NCEH1: variants seen among roughly 807,000 people sequenced by gnomAD.
The protein encoded by NCEH1 is neutral cholesterol ester hydrolase 1, also known as 2-acetyl MAGE hydrolase.
A neutral mutation model predicts 25.4 loss-of-function variants in NCEH1; 9 were observed. The ratio of observed to expected loss-of-function variants is 0.35; its 90% confidence interval spans 0.21 to 0.62. The LOEUF (loss-of-function observed/expected upper bound fraction) is 0.62. NCEH1 is among the 20% of genes least tolerant of loss of function. NCEH1 has a pLI of 0.72. For missense variants in NCEH1, 412 were observed against 501.1 expected (o/e 0.82, Z 1.70); for synonymous variants, 200 against 199.8 (o/e 1.00, Z -0.01).
intron 1 of NCEH1, among the ~76,000 whole-genome samples, chr3:172,704,638 GA>G (rs1215548171): frequency 2.6e-5 from 4 of 152,206 alleles, no homozygotes; most frequent in African/African-American, 9.7e-5. Flanking sequence ...AACACTGAAA[GA>G]GAGCTTGTTA....
chr3:172,685,381 T>C (rs1424453609), intron 1 of NCEH1, among the ~76,000 whole-genome samples: 1 of 152,226 alleles, frequency 6.6e-6, no homozygotes, highest in Non-Finnish European at 1.5e-5. Flanking sequence ...CCTTCATTTC[T>C]TCATACATCT....
chr3:172,671,805 T>C (rs765061996), intron 1 of NCEH1, among the ~76,000 whole-genome samples: 1 of 152,174 alleles, frequency 6.6e-6, no homozygotes, highest in Non-Finnish European at 1.5e-5. Context: ...CATGATGACA[T>C]TTTGCTCAAG....
At chr3:172,641,065 C>G (rs1356884159) in intron 3 of NCEH1, among the ~76,000 whole-genome samples, 1 of 151,978 alleles carries the variant, frequency 6.6e-6, no homozygotes, top group African/African-American at 2.4e-5. Context: ...CACCATTGCA[C>G]TCCACCCTAG....
chr3:172,652,036 G>T (rs761691689), intron 1 of NCEH1, among the ~76,000 whole-genome samples: 7 of 152,142 alleles, frequency 4.6e-5, no homozygotes, highest in Non-Finnish European at 1.0e-4. Flanking sequence ...GAACCCTGGG[G>T]TACAAAAACT....
At chr3:172,669,983 T>C (rs1577072280) in intron 1 of NCEH1, among the ~76,000 whole-genome samples, 1 of 152,200 alleles carries the variant, frequency 6.6e-6, no homozygotes. Flanking sequence ...AAGCTAAATA[T>C]AGAAAAATAA....
At position 172,631,754 on chromosome 3, in the gene NCEH1, G is replaced by A. The variant is rs878994676; in HGVS notation, c.*1721C>T. On this transcript the variant is annotated 3_prime_UTR_variant, in exon 5 of 5. Transcript: ENST00000475381. ...TATGCAACTTTTCATTTGTTATTTC[G>A]TTGCTGGAAGTGGGAAATACCCCAT... The A allele has an allele frequency of 3.9e-5, 6 of 152,260 alleles. 1 individual carries two copies. Among genetic ancestry groups the A allele is most frequent in the Admixed American group, 2.6e-4 (4 of 15,242 alleles). 9.4% of individuals were successfully genotyped at this position (152,260 alleles called of 1,614,324 possible).
chr3:172,644,199 T>TTGAGTGACTCTAGGGCTTC (rs1717003536), intron 3 of NCEH1, among the ~76,000 whole-genome samples: 1 of 149,536 alleles, frequency 6.7e-6, no homozygotes, highest in South Asian at 2.1e-4. Context: ...TCTAGGGCTT[T>TTGAGTGACTCTAGGGCTTC]TGAGTGACTC....
At chr3:172,687,520 G>C (rs1576769756) in intron 1 of NCEH1, among the ~76,000 whole-genome samples, 1 of 152,248 alleles carries the variant, frequency 6.6e-6, no homozygotes, top group East Asian at 1.9e-4. Context: ...CATTAAATGA[G>C]CTTTCTGTAG....
intron 1 of NCEH1, among the ~76,000 whole-genome samples, chr3:172,694,582 C>T (rs145764413): frequency 3.9e-5 from 6 of 152,330 alleles, no homozygotes; most frequent in African/African-American, 1.2e-4. Flanking sequence ...ACATCCTTGA[C>T]ATCACTCCAA....
At chr3:172,637,178 G>C (rs190987301) in intron 3 of NCEH1, among the ~76,000 whole-genome samples, 2 of 152,206 alleles carry the variant, frequency 1.3e-5, no homozygotes, top group East Asian at 3.9e-4. Context: ...CCAATGTGAG[G>C]GGCACATAAT....
rs1413064150 is a variant in NCEH1, at chr3:172,642,157, C to CT, written c.437+3465dup. On this transcript the variant is annotated intron_variant, in intron 3 of 4. Transcript: ENST00000475381. ...GCCACTGAGATCCCGCTCTGAACTG[C>CT]TTTTTTTTTCTATTTTTTTGTTTTG... 9.9e-5 allele frequency among the ~76,000 whole-genome samples: 15 copies of CT among 150,888 alleles called. No individual in the cohort carries two copies. In the South Asian group the frequency reaches 1.5e-3, roughly 15 times the overall value.
intron 1 of NCEH1, among the ~76,000 whole-genome samples, chr3:172,656,926 G>A (rs1373670054): frequency 1.3e-5 from 2 of 152,120 alleles, no homozygotes; most frequent in African/African-American, 4.8e-5. Flanking sequence ...TGGCCTCACT[G>A]CAGACATTTG....
chr3:172,664,809 A>C (rs1482861652), intron 1 of NCEH1, among the ~76,000 whole-genome samples: 1 of 152,144 alleles, frequency 6.6e-6, no homozygotes, highest in East Asian at 1.9e-4. Flanking sequence ...CAGCTCCATC[A>C]GGTCATTTAA....
intron 1 of NCEH1, among the ~76,000 whole-genome samples, chr3:172,665,108 T>G (rs1718146381): frequency 6.6e-6 from 1 of 152,234 alleles, no homozygotes; most frequent in Non-Finnish European, 1.5e-5. Context: ...TATCTACCTT[T>G]GGTCTTTGAT....
chr3:172,674,332 A>ACTCAGGAG, intron 1 of NCEH1, among the ~76,000 whole-genome samples: 1 of 151,542 alleles, frequency 6.6e-6, no homozygotes, highest in East Asian at 1.9e-4. Context: ...AATCCCAGCT[A>ACTCAGGAG]CTCAGGAGGC....
At chr3:172,697,814 A>G (rs1251655489) in intron 1 of NCEH1, among the ~76,000 whole-genome samples, 1 of 152,088 alleles carries the variant, frequency 6.6e-6, no homozygotes, top group Non-Finnish European at 1.5e-5. Context: ...AAGTTACTTA[A>G]CTTTGTTGAG....
intron 3 of NCEH1, among the ~76,000 whole-genome samples, chr3:172,636,424 G>A (rs528653390): frequency 2.6e-5 from 4 of 151,934 alleles, no homozygotes; most frequent in African/African-American, 7.2e-5. Context: ...GGATAGCACC[G>A]TAATAGATTT....
At chr3:172,686,498 G>A (rs182797665) in intron 1 of NCEH1, among the ~76,000 whole-genome samples, 16 of 152,264 alleles carry the variant, frequency 1.1e-4, no homozygotes, top group African/African-American at 3.1e-4. Context: ...TTGATCTTAC[G>A]TCCAATTGTA....
At chr3:172,673,486 T>A (rs1413969213) in intron 1 of NCEH1, among the ~76,000 whole-genome samples, 13 of 152,242 alleles carry the variant, frequency 8.5e-5, no homozygotes, top group African/African-American at 2.4e-4. Context: ...TGGCTAACAT[T>A]TATACTGACT....
Sources: gnomAD v4.1 joint callset for allele counts (sites outside exome capture counted in the v4.1 genomes callset) on GRCh38, gnomAD v4.1.1 for gene constraint, MANE v1.5 for transcripts, NCBI Gene and HGNC (gene_info 2026-07-23, HGNC 2026-07-21) for gene names.